The following DAB2IP variants were observed in gnomAD, a reference collection of about 807,000 sequenced individuals.
DAB2IP encodes the protein DAB2 interacting protein.
Under a neutral mutation model 107.2 loss-of-function variants are expected in DAB2IP, and 28 were observed. The ratio of observed to expected loss-of-function variants is 0.26; its 90% CI spans 0.19 to 0.36. The LOEUF is 0.36. Among genes scored for constraint, DAB2IP ranks in the 10% least tolerant of loss-of-function variants. The pLI, the probability that DAB2IP is intolerant of heterozygous loss-of-function variation, is 1.00. For missense variants in DAB2IP, 1,400 were observed against 1,644.7 expected, an observed-to-expected ratio of 0.85 and a Z score of 2.57; for synonymous variants, 755 against 706.4, an observed-to-expected ratio of 1.07 and a Z score of -1.09.
exon 7 of DAB2IP, chr9:121,763,626 A>G: frequency 6.2e-7 from 1 of 1,613,634 alleles, no homozygotes; most frequent in Non-Finnish European, 8.5e-7. Flanking sequence ...CTAGTGGGCC[A>G]GAAGTACCTG....
At chr9:121,585,843 G>T (rs1402251264) in intron 1 of DAB2IP, among the ~76,000 whole-genome samples, 1 of 9,484 alleles carries the variant, frequency 1.1e-4, no homozygotes, top group Admixed American at 1.5e-3. Context: ...GAGGGTTAGG[G>T]ATTTAAAAAA....
At chr9:121,619,719 G>C (rs149858829) in intron 1 of DAB2IP, among the ~76,000 whole-genome samples, 4 of 152,228 alleles carry the variant, frequency 2.6e-5, no homozygotes, top group South Asian at 2.1e-4. Context: ...AATGATTTCC[G>C]GGAGCGCTTG....
Position 121,621,983 on chromosome 9 carries a change from T to C in DAB2IP, c.40+54755T>C, listed in dbSNP as rs181059318. On this transcript the variant is annotated intron_variant, in intron 1 of 16. Coordinates refer to the DAB2IP transcript ENST00000259371. ...TTTGTGTTTCTTTTTCTTTTTTCTTTCTTTTTTTTTTTTTTTTTTTTTTGA... is the reference window on the plus strand; with the variant it reads ...TTTGTGTTTCTTTTTCTTTTTTCTTCCTTTTTTTTTTTTTTTTTTTTTTGA... 8.3e-4 allele frequency among the ~76,000 whole-genome samples: 120 copies of C among 144,336 alleles called. 1 individual carries two copies. The highest frequency in any genetic ancestry group is 1.5e-3 in the Non-Finnish European group (97 of 66,620). The allele number at this position is 144,336 out of a possible 152,430, so 94.7% of individuals were successfully genotyped here. A position where few individuals can be genotyped will look rare whatever the true frequency, so the allele number is the denominator to read the frequency against.
At chr9:121,604,674 A>G (rs1830805996) in intron 1 of DAB2IP, among the ~76,000 whole-genome samples, 1 of 152,036 alleles carries the variant, frequency 6.6e-6, no homozygotes, top group East Asian at 1.9e-4. Context: ...TTGCCCCCCT[A>G]AGGGTGAGCC....
chr9:121,758,579 A>G (rs1833656630), intron 4 of DAB2IP, among the ~76,000 whole-genome samples: 1 of 151,962 alleles, frequency 6.6e-6, no homozygotes, highest in African/African-American at 2.4e-5. Context: ...CCCTCTTCCC[A>G]TCTCAGGGAG....
intron 1 of DAB2IP, among the ~76,000 whole-genome samples, chr9:121,677,549 C>T (rs967249331): frequency 1.3e-5 from 2 of 152,106 alleles, no homozygotes; most frequent in Non-Finnish European, 2.9e-5. Flanking sequence ...GAGAAGTCAT[C>T]CAAGCTCCCC....
At chr9:121,611,021 T>C (rs1436718448) in intron 1 of DAB2IP, among the ~76,000 whole-genome samples, 1 of 152,160 alleles carries the variant, frequency 6.6e-6, no homozygotes, top group Admixed American at 6.6e-5. Context: ...CCATCACCCA[T>C]GCTGGAGTGA....
At chr9:121,644,321 G>A (rs1482548903) in intron 1 of DAB2IP, among the ~76,000 whole-genome samples, 2 of 152,116 alleles carry the variant, frequency 1.3e-5, no homozygotes, top group African/African-American at 4.8e-5. Context: ...GAAAGGCTGG[G>A]CGCAGTGGCT....
At chr9:121,710,621 T>C (rs546297353) in intron 3 of DAB2IP, among the ~76,000 whole-genome samples, 13 of 152,314 alleles carry the variant, frequency 8.5e-5, no homozygotes, top group Admixed American at 2.6e-4. Context: ...GGGTCGTGGC[T>C]AGGCTAAGTG....
chr9:121,748,355 G>A (rs141054163), intron 3 of DAB2IP, among the ~76,000 whole-genome samples: 7 of 152,296 alleles, frequency 4.6e-5, no homozygotes, highest in African/African-American at 1.7e-4. Flanking sequence ...TCACTGTGAG[G>A]TAGGTGCCAA....
At chr9:121,669,458 G>A (rs142473082) in intron 1 of DAB2IP, among the ~76,000 whole-genome samples, 38 of 152,176 alleles carry the variant, frequency 2.5e-4, no homozygotes, top group Non-Finnish European at 4.1e-4. Flanking sequence ...CGCACCATGG[G>A]GCATCTCAGA....
chr9:121,731,271 C>G (rs1831521692), intron 3 of DAB2IP, among the ~76,000 whole-genome samples: 2 of 152,210 alleles, frequency 1.3e-5, no homozygotes, highest in African/African-American at 4.8e-5. Context: ...TGGCCTTGGA[C>G]TGGTTGTTTA....
At chr9:121,715,880 G>A (rs1054114873) in intron 3 of DAB2IP, among the ~76,000 whole-genome samples, 6 of 152,180 alleles carry the variant, frequency 3.9e-5, no homozygotes, top group African/African-American at 1.4e-4. Flanking sequence ...GTGAGTTCTT[G>A]TAAACTTCCC....
chr9:121,623,096 T>A (rs1831530229), intron 1 of DAB2IP, among the ~76,000 whole-genome samples: 1 of 152,158 alleles, frequency 6.6e-6, no homozygotes, highest in South Asian at 2.1e-4. Flanking sequence ...GAGAGCAATT[T>A]TGCTCTCTTT....
intron 1 of DAB2IP, among the ~76,000 whole-genome samples, chr9:121,653,032 G>T (rs74351498): frequency 0.014 from 2,199 of 152,216 alleles, 57 homozygotes; most frequent in African/African-American, 0.047. Flanking sequence ...GTGCACAGGT[G>T]TGTGCTGGTA....
intron 6 of DAB2IP, among the ~76,000 whole-genome samples, chr9:121,762,418 G>A (rs1833963244): frequency 6.6e-6 from 1 of 152,168 alleles, no homozygotes; most frequent in Admixed American, 6.5e-5. Context: ...TTCAGAGAAT[G>A]AGACCCTGGA....
rs572205849 is a variant in DAB2IP, at chr9:121,772,487, G to C, written c.2079-120G>C. The stretch of plus-strand genomic sequence containing the variant: ...ACCCCAGCGCATCCATCTCCCCAGC[G>C]CTGGCTCAGGCTGCCAGGCCCCGGC... On this transcript the variant is annotated intron_variant, in intron 11 of 15. Coordinates refer to ENST00000408936, the Ensembl canonical transcript of DAB2IP. The surrounding 1 kb of genome is among the most constrained non-coding windows in gnomAD (Gnocchi z 4.7). 1 of 1,108,420 alleles carries C rather than the reference G, an allele frequency of 9.0e-7. No homozygotes were observed. Among genetic ancestry groups the C allele is most frequent in the Non-Finnish European group, 1.3e-6 (1 of 763,984 alleles). 68.7% of individuals were successfully genotyped at this position (1,108,420 alleles called of 1,614,324 possible). A position where few individuals can be genotyped will look rare whatever the true frequency, so the allele number is the denominator to read the frequency against.
intron 1 of DAB2IP, among the ~76,000 whole-genome samples, chr9:121,621,984 CTTTTTTTTTTTTT>C (rs1202929145): frequency 1.0e-5 from 1 of 99,716 alleles, no homozygotes; most frequent in African/African-American, 4.3e-5. Context: ...TTTTTTCTTT[CTTTTTTTTTTTTT>C]TTTTTTTTTG....
chr9:121,780,335 C>A (rs1442674829), intron 14 of DAB2IP, among the ~76,000 whole-genome samples: 1 of 151,676 alleles, frequency 6.6e-6, no homozygotes, highest in Non-Finnish European at 1.5e-5. Context: ...CCCGGAGGGT[C>A]CCCCCCGCCA....
Sources: allele counts gnomAD v4.1 joint callset (sites outside exome capture counted in the v4.1 genomes callset), GRCh38; gene constraint gnomAD v4.1.1; non-coding constraint Gnocchi (gnomAD v3.1); transcripts MANE v1.5; gene names NCBI Gene and HGNC (gene_info 2026-07-23, HGNC 2026-07-21).